The following SORCS1 variants were observed in gnomAD, a reference collection of about 807,000 sequenced individuals.
SORCS1 encodes the protein VPS10 domain-containing receptor SorCS1.
SORCS1 carries 60 observed loss-of-function variants against 146.1 expected under a neutral mutation model. The ratio of observed to expected loss-of-function variants is 0.41; its 90% CI spans 0.33 to 0.51. The LOEUF (loss-of-function observed/expected upper bound fraction) is 0.51. SORCS1 is among the 20% of genes least tolerant of loss of function. The pLI, the probability that SORCS1 is intolerant of heterozygous loss-of-function variation, is 0.21. For missense variants in SORCS1, 1,352 were observed against 1,487.6 expected (o/e 0.91, Z 1.50); for synonymous variants, 637 against 584.0 (o/e 1.09, Z -1.31).
intron 2 of SORCS1, among the ~76,000 whole-genome samples, chr10:106,835,542 A>G (rs2137068748): frequency 6.6e-6 from 1 of 152,368 alleles, no homozygotes; most frequent in East Asian, 1.9e-4. Context: ...TTAAAAATGT[A>G]GCATAATTTA....
At chr10:106,915,793 T>G (rs1589696557) in intron 2 of SORCS1, among the ~76,000 whole-genome samples, 2 of 152,306 alleles carry the variant, frequency 1.3e-5, no homozygotes, top group African/African-American at 4.8e-5. Flanking sequence ...TCCAGTTTGT[T>G]GCACTCCCAG....
chr10:106,829,840 T>C (rs1948463717), intron 2 of SORCS1, among the ~76,000 whole-genome samples, 167 bp from the exon 3 acceptor site: 4 of 152,328 alleles, frequency 2.6e-5, no homozygotes, highest in South Asian at 4.1e-4. Flanking sequence ...ATGTGAGTGG[T>C]TAAAATTTGC....
chr10:107,133,389 C>T (rs1183882421), intron 1 of SORCS1, among the ~76,000 whole-genome samples: 1 of 152,008 alleles, frequency 6.6e-6, no homozygotes, highest in African/African-American at 2.4e-5. Context: ...AAAAAACTTC[C>T]CTTACTTAGA....
intron 1 of SORCS1, among the ~76,000 whole-genome samples, chr10:106,975,163 A>G (rs1955940594): frequency 6.6e-6 from 1 of 152,222 alleles, no homozygotes; most frequent in African/African-American, 2.4e-5. Flanking sequence ...AATAATAGTA[A>G]CAGCATGCTT....
chr10:106,584,149 T>C (rs146606319), intron 24 of SORCS1, among the ~76,000 whole-genome samples: 1 of 152,350 alleles, frequency 6.6e-6, no homozygotes, highest in African/African-American at 2.4e-5. Flanking sequence ...TGAAATATTT[T>C]TTCAGAAATT....
rs1021048959 is a variant in SORCS1 at position 106,574,031 on chromosome 10, C to T, written c.*3389G>A. 4 of 149,906 alleles carry T rather than the reference C, an allele frequency of 2.7e-5. No individual in the cohort carries two copies. The highest frequency in any genetic ancestry group is 1.0e-4 in the African/African-American group (4 of 40,198). The allele number at this position is 149,906 out of a possible 1,614,324, so 9.3% of individuals were successfully genotyped here. A position where few individuals can be genotyped will look rare whatever the true frequency, so the allele number is the denominator to read the frequency against. ...AGTCATTTTAAAATTAGAAGTAGTT[C>T]CAATACTATAAGAAAACTTTTTTTT... is the stretch of plus-strand genomic sequence containing the variant. On this transcript the variant is annotated 3_prime_UTR_variant, in exon 26 of 26. Transcript: ENST00000263054.
intron 1 of SORCS1, among the ~76,000 whole-genome samples, chr10:107,108,959 A>G (rs1822142413): frequency 6.6e-6 from 1 of 152,224 alleles, no homozygotes; most frequent in Non-Finnish European, 1.5e-5. Flanking sequence ...TTAAATCTTA[A>G]AGCTCCAAAA....
At chr10:107,124,608 C>T (rs1258502447) in intron 1 of SORCS1, among the ~76,000 whole-genome samples, 6 of 152,008 alleles carry the variant, frequency 3.9e-5, no homozygotes, top group East Asian at 3.9e-4. Context: ...TGGTGGTCGA[C>T]GTGATCTGAG....
intron 1 of SORCS1, among the ~76,000 whole-genome samples, chr10:107,109,005 G>A (rs1965497221): frequency 6.6e-6 from 1 of 152,192 alleles, no homozygotes; most frequent in South Asian, 2.1e-4. Context: ...CATCCATGGG[G>A]GTGATGGTGC....
intron 2 of SORCS1, among the ~76,000 whole-genome samples, chr10:106,894,372 G>A (rs7920621): frequency 0.073 from 11,076 of 151,866 alleles, 911 homozygotes; most frequent in African/African-American, 0.19. Flanking sequence ...CATGTTCTGG[G>A]TAGAAAACTT....
chr10:106,747,771 T>C (rs1040156599), intron 5 of SORCS1, among the ~76,000 whole-genome samples: 1 of 152,236 alleles, frequency 6.6e-6, no homozygotes, highest in African/African-American at 2.4e-5. Flanking sequence ...TAATCTATTA[T>C]ATATTTTCCA....
intron 9 of SORCS1, among the ~76,000 whole-genome samples, chr10:106,697,025 C>T (rs1374141589): frequency 2.6e-5 from 4 of 152,192 alleles, no homozygotes; most frequent in African/African-American, 7.2e-5. Flanking sequence ...GCTTTGACTT[C>T]ATGCCAGTGG....
chr10:107,078,449 G>C (rs1055806558), intron 1 of SORCS1, among the ~76,000 whole-genome samples: 1 of 152,188 alleles, frequency 6.6e-6, no homozygotes, highest in Non-Finnish European at 1.5e-5. Context: ...TATAGGATCG[G>C]GACTTTGCAT....
chr10:107,017,342 A>G (rs891994662), intron 1 of SORCS1, among the ~76,000 whole-genome samples: 1 of 152,250 alleles, frequency 6.6e-6, no homozygotes, highest in East Asian at 1.9e-4. Flanking sequence ...CCGCTACACG[A>G]AATAACCAAT....
intron 17 of SORCS1, among the ~76,000 whole-genome samples, chr10:106,666,723 ATT>A (rs540831679): frequency 2.1e-5 from 3 of 142,284 alleles, no homozygotes; most frequent in African/African-American, 2.6e-5. Context: ...TGTGCAGTTA[ATT>A]TTTTTTTTTT....
At chr10:106,848,050 A>G (rs202108147) in intron 2 of SORCS1, among the ~76,000 whole-genome samples, 2,639 of 121,070 alleles carry the variant, frequency 0.022, 122 homozygotes, top group South Asian at 0.11. Context: ...GCTGAAAAAA[A>G]TGTATATTCT....
chr10:107,097,012 T>G (rs1468333085), intron 1 of SORCS1, among the ~76,000 whole-genome samples: 1 of 152,256 alleles, frequency 6.6e-6, no homozygotes, highest in Non-Finnish European at 1.5e-5. Context: ...ACAATTAATG[T>G]GCTTTAAGGA....
intron 1 of SORCS1, among the ~76,000 whole-genome samples, chr10:107,156,294 A>G (rs984065798): frequency 7.2e-5 from 11 of 152,230 alleles, no homozygotes; most frequent in Non-Finnish European, 8.8e-5. Context: ...GGCAAAAATC[A>G]AATCCCAGCT....
chr10:107,100,690 T>A (rs1964864803), intron 1 of SORCS1, among the ~76,000 whole-genome samples: 1 of 152,074 alleles, frequency 6.6e-6, no homozygotes. Flanking sequence ...GCAAGGACTT[T>A]GGTGGTTAGT....
Sources: gnomAD v4.1 joint callset for allele counts (sites outside exome capture counted in the v4.1 genomes callset) on GRCh38, gnomAD v4.1.1 for gene constraint, MANE v1.5 for transcripts, NCBI Gene and HGNC (gene_info 2026-07-23, HGNC 2026-07-21) for gene names.